The following ZNF541 variants were observed in gnomAD, a reference collection of about 807,000 sequenced individuals.
ZNF541 encodes the protein zinc finger protein 541.
In ZNF541, 23 loss-of-function variants were observed where a neutral mutation model predicts 123.5. The observed-to-expected ratio is 0.19, with a 90% CI of 0.13 to 0.26. ZNF541 has a LOEUF of 0.26. ZNF541 is among the 10% of genes least tolerant of loss of function. The probability of loss-of-function intolerance (pLI) is 1.00; values close to 1 mark genes in which losing one functional copy is unlikely to be tolerated. For synonymous variants in ZNF541, 751 were observed against 754.5 expected (o/e 1.00, Z 0.08); for missense variants, 1,612 against 1,789.9 (o/e 0.90, Z 1.79).
chr19:47,521,717 G>C lies in ZNF541; in HGVS notation c.3712-63C>G. The C allele has an allele frequency of 1.3e-6, 2 of 1,532,594 alleles. No individual in the cohort carries two copies. The highest frequency in any genetic ancestry group is 2.4e-5 in the South Asian group (2 of 81,868). The allele number at this position is 1,532,594 out of a possible 1,614,324, so 94.9% of individuals were successfully genotyped here. A position where few individuals can be genotyped will look rare whatever the true frequency, so the allele number is the denominator to read the frequency against. On this transcript the variant is annotated intron_variant, in intron 15 of 16. Transcript: ENST00000391901. This position sits in a 1 kb window ranked among gnomAD's most constrained non-coding sequence, Gnocchi z 4.2. ...TGTCCTGCTGTAAGAGAGACACAGA[G>C]CTGGGGGCATACGTGTCTCCTGCAG...
At chr19:47,554,837 C>T (rs1037815060) in intron 3 of ZNF541, among the ~76,000 whole-genome samples, 25 of 152,174 alleles carry the variant, frequency 1.6e-4, no homozygotes, top group African/African-American at 6.0e-4. Flanking sequence ...CTCACGCCTG[C>T]AATCCCACCA....
chr19:47,538,715 A>C (rs1441506064), intron 8 of ZNF541, among the ~76,000 whole-genome samples: 1 of 152,146 alleles, frequency 6.6e-6, no homozygotes, highest in East Asian at 1.9e-4. Flanking sequence ...GCCCTTAAAA[A>C]GAGAGAGATC....
At chr19:47,570,988 A>G (rs1738520485) in intron 2 of ZNF541, among the ~76,000 whole-genome samples, 1 of 152,022 alleles carries the variant, frequency 6.6e-6, no homozygotes, top group African/African-American at 2.4e-5. Flanking sequence ...CTACTATTCC[A>G]ATAAGAAAAA....
chr19:47,543,810 T>G (rs560725879), intron 5 of ZNF541, among the ~76,000 whole-genome samples: 1 of 152,134 alleles, frequency 6.6e-6, no homozygotes, highest in Admixed American at 6.5e-5. Context: ...GCCCAGCTAC[T>G]TTTTTAAAAT....
chr19:47,558,394 C>T (rs1599729499), intron 2 of ZNF541, among the ~76,000 whole-genome samples: 1 of 151,360 alleles, frequency 6.6e-6, no homozygotes, highest in South Asian at 2.1e-4. Context: ...CCAGCCTGGG[C>T]AACAGAGCGA....
intron 2 of ZNF541, among the ~76,000 whole-genome samples, chr19:47,561,647 C>A (rs1971066378): frequency 6.6e-6 from 1 of 151,932 alleles, no homozygotes; most frequent in Non-Finnish European, 1.5e-5. Context: ...TTGTTAACCG[C>A]CTGCCTGAGT....
At position 47,545,269 on chromosome 19, in the gene ZNF541, CGGCAG is replaced by C; in HGVS notation, c.1255_1259del (p.Leu419GlyfsTer77). 6.5e-7 allele frequency: 1 copy of C among 1,549,290 alleles called. No individual in the cohort carries two copies. Among genetic ancestry groups the C allele is most frequent in the Non-Finnish European group, 8.7e-7 (1 of 1,146,724 alleles). On this transcript the variant is annotated frameshift_variant, in exon 5 of 17. Transcript: ENST00000391901. LOFTEE classifies it high-confidence loss of function. The surrounding 1 kb of genome is among the most constrained non-coding windows in gnomAD (Gnocchi z 7.5). ...TGTTGCCTTTGCTTTTGGGACAGCC[CGGCAG>C]GTTCCGGAGCCACTGGAAGCTGTGG... is the stretch of plus-strand genomic sequence containing the variant.
chr19:47,534,100 T>C (rs796993646), intron 9 of ZNF541, among the ~76,000 whole-genome samples: 14 of 152,314 alleles, frequency 9.2e-5, no homozygotes, highest in African/African-American at 3.4e-4. Flanking sequence ...ATGGGAATTC[T>C]GGGGTTAGAA....
chr19:47,557,886 C>T (rs549291771), intron 2 of ZNF541, among the ~76,000 whole-genome samples: 3 of 150,886 alleles, frequency 2.0e-5, no homozygotes, highest in African/African-American at 7.3e-5. Flanking sequence ...TAACTTCATA[C>T]TTTTAAGCTT....
intron 3 of ZNF541, 31 bp downstream of exon 3, chr19:47,555,519 C>T: frequency 6.7e-7 from 1 of 1,501,170 alleles, no homozygotes; most frequent in Non-Finnish European, 8.9e-7. Context: ...GAACATCCTG[C>T]AGGGCCCTTC....
At chr19:47,525,397 A>C (rs548267378) in intron 14 of ZNF541, among the ~76,000 whole-genome samples, 2 of 152,242 alleles carry the variant, frequency 1.3e-5, no homozygotes, top group East Asian at 3.9e-4. Flanking sequence ...TTTGGTAAAA[A>C]TGGATAAGCT....
chr19:47,573,047 A>G (rs1463310488), intron 1 of ZNF541, among the ~76,000 whole-genome samples, 36 bp downstream of exon 1: 1 of 149,870 alleles, frequency 6.7e-6, no homozygotes. Context: ...ATAAGGAGGA[A>G]AGGGAGGGGC....
At chr19:47,541,922 T>C (rs1335654140) in intron 5 of ZNF541, among the ~76,000 whole-genome samples, 3 of 152,138 alleles carry the variant, frequency 2.0e-5, no homozygotes, top group Non-Finnish European at 4.4e-5. Context: ...AATTTGTACA[T>C]GGGTGAATAT....
intron 4 of ZNF541, among the ~76,000 whole-genome samples, chr19:47,547,051 A>G (rs1970388662): frequency 6.6e-6 from 1 of 152,186 alleles, no homozygotes; most frequent in South Asian, 2.1e-4. Flanking sequence ...CCACACAGAG[A>G]GAGACCTGTT....
chr19:47,565,556 C>T (rs1971230371), intron 2 of ZNF541, among the ~76,000 whole-genome samples: 1 of 152,114 alleles, frequency 6.6e-6, no homozygotes, highest in African/African-American at 2.4e-5. Context: ...GGAAGTTTTG[C>T]TGCAGTTCAA....
chr19:47,563,061 G>T (rs1416686465), intron 2 of ZNF541, among the ~76,000 whole-genome samples: 2 of 152,158 alleles, frequency 1.3e-5, no homozygotes, highest in African/African-American at 4.8e-5. Flanking sequence ...TTTTCATGTT[G>T]ATATGTAATA....
intron 2 of ZNF541, among the ~76,000 whole-genome samples, chr19:47,561,026 T>C (rs1297487113): frequency 2.0e-5 from 3 of 152,072 alleles, no homozygotes; most frequent in Non-Finnish European, 4.4e-5. Flanking sequence ...TCCAACTATA[T>C]CACATTCTGG....
At chr19:47,526,481 C>CAAAA (rs71180847) in intron 14 of ZNF541, among the ~76,000 whole-genome samples, 2 of 34,934 alleles carry the variant, frequency 5.7e-5, no homozygotes, top group South Asian at 1.7e-3. Context: ...GACTCCATCT[C>CAAAA]AAAAAAAAAA....
chr19:47,531,789 C>A, intron 11 of ZNF541, 44 bp from the exon 12 acceptor site: 1 of 1,492,002 alleles, frequency 6.7e-7, no homozygotes, highest in South Asian at 1.2e-5. Flanking sequence ...ACACAGGAGT[C>A]ATCAGGTGCT....
Sources: gnomAD v4.1 joint callset for allele counts (sites outside exome capture counted in the v4.1 genomes callset) on GRCh38, gnomAD v4.1.1 for gene constraint, Gnocchi (gnomAD v3.1) non-coding constraint, MANE v1.5 for transcripts, NCBI Gene and HGNC (gene_info 2026-07-23, HGNC 2026-07-21) for gene names.